TSKS: variants seen among roughly 807,000 people sequenced by gnomAD.
TSKS encodes the protein testis-specific serine kinase substrate.
In TSKS, 27 loss-of-function variants were observed where a neutral mutation model predicts 68.0. The ratio of observed to expected loss-of-function variants is 0.40; its 90% CI spans 0.29 to 0.55. TSKS has a LOEUF of 0.55. TSKS is among the 20% of genes least tolerant of loss of function. TSKS has a pLI of 0.53. For missense variants in TSKS, 806 were observed against 776.0 expected, an observed-to-expected ratio of 1.04 and a Z score of -0.46; for synonymous variants, 331 against 340.4, an observed-to-expected ratio of 0.97 and a Z score of 0.30.
chr19:49,741,281 G>C lies in TSKS; in HGVS notation c.1497+604C>G, dbSNP rs937494986. 4.1e-4 allele frequency among the ~76,000 whole-genome samples: 63 copies of C among 152,202 alleles called. 1 individual carries two copies. Among genetic ancestry groups the C allele is most frequent in the Middle Eastern group, 3.4e-3 (1 of 294 alleles). ...CTCTCATGTATTAGTCCTATAGCTC[G>C]GCCACATCAATGTCCCACAGTGCCT... On this transcript the variant is annotated intron_variant, in intron 9 of 10. Transcript: ENST00000246801.
chr19:49,748,207 A>T (rs759987857), intron 3 of TSKS, 39 bp from the exon 4 acceptor site: 2 of 1,607,336 alleles, frequency 1.2e-6, no homozygotes, highest in South Asian at 1.1e-5. Context: ...CAAGGACACG[A>T]GGGGACAGCC....
rs890514979 is a variant in TSKS, at chr19:49,747,583, A to C, written c.580-111T>G. 7 of 1,038,600 alleles carry C rather than the reference A, an allele frequency of 6.7e-6. No individual in the cohort carries two copies. In the East Asian group the frequency reaches 1.7e-4, roughly 25 times the overall value. The allele number at this position is 1,038,600 out of a possible 1,614,324, so 64.3% of individuals were successfully genotyped here. A position where few individuals can be genotyped will look rare whatever the true frequency, so the allele number is the denominator to read the frequency against. On this transcript the variant is annotated intron_variant, in intron 4 of 10. Transcript: ENST00000246801. ...CCAGGCCTCCTAGCCCCCCAGTACA[A>C]GACACACTCACCAGCTCATTTCCTT...
At chr19:49,758,897 G>T (rs1238480665) in intron 2 of TSKS, among the ~76,000 whole-genome samples, 1 of 149,828 alleles carries the variant, frequency 6.7e-6, no homozygotes, top group Non-Finnish European at 1.5e-5. Context: ...TGCTCTTGTT[G>T]CCCAGGCTGG....
rs148116338 is a variant in TSKS at position 49,748,129 on chromosome 19, G to T, written c.535C>A (p.Arg179=). 1 of 1,614,100 alleles carries T rather than the reference G, an allele frequency of 6.2e-7. No homozygotes were observed. The highest frequency in any genetic ancestry group is 1.1e-5 in the South Asian group (1 of 91,082). The change falls in exon 4 of 11, where the codon CGG becomes AGG. Residue 179 remains arginine, a synonymous_variant. Transcript: ENST00000246801. ...CCCTCCAACTCTTCTGCCTCTTGCCGCCTTCTCTCCAGATTCTCGCTCAGC... is the reference window on the plus strand; with the variant it reads ...CCCTCCAACTCTTCTGCCTCTTGCCTCCTTCTCTCCAGATTCTCGCTCAGC... ...SVLSENLERR[R]QEAEELEGYC...
intron 1 of TSKS, among the ~76,000 whole-genome samples, 163 bp downstream of exon 1, chr19:49,762,915 A>C (rs2084455764): frequency 1.4e-5 from 2 of 144,482 alleles, no homozygotes; most frequent in Non-Finnish European, 3.0e-5. Context: ...CTTCCTCTCT[A>C]CCTCCCTGTG....
chr19:49,754,236 C>T (rs2084375552), intron 2 of TSKS, among the ~76,000 whole-genome samples: 1 of 150,886 alleles, frequency 6.6e-6, no homozygotes, highest in African/African-American at 2.4e-5. Flanking sequence ...CGGTGGCTCA[C>T]ACCTGTAATC....
chr19:49,744,819 G>A (rs2084282678), intron 7 of TSKS, among the ~76,000 whole-genome samples: 1 of 152,070 alleles, frequency 6.6e-6, no homozygotes, highest in Admixed American at 6.6e-5. Context: ...TGCACTCCTG[G>A]CCTCAAGTAA....
chr19:49,756,120 A>G (rs541705957), intron 2 of TSKS, among the ~76,000 whole-genome samples: 3 of 152,292 alleles, frequency 2.0e-5, no homozygotes, highest in Admixed American at 1.3e-4. Context: ...AGGATTATAC[A>G]TGGTGACCAA....
chr19:49,748,448 C>T lies in TSKS; in HGVS notation c.421G>A (p.Val141Ile), dbSNP rs1256561319. ...EILSGVNSGL[V>I]RAKDSITSLK... ...CTGGTGATGGAGTCTTTGGCGCGGA[C>T]CAATCCACTGTTGACCCCACTCTGG... The change falls in exon 3 of 11, where the codon GTC becomes ATC. Residue 141 changes from valine to isoleucine, a missense_variant. By Grantham distance (29) the Val-to-Ile change is conservative. Transcript: ENST00000246801. 8.1e-6 allele frequency: 13 copies of T among 1,614,178 alleles called. No individual in the cohort carries two copies. The highest frequency in any genetic ancestry group is 1.1e-5 in the Non-Finnish European group (13 of 1,180,014).
intron 9 of TSKS, among the ~76,000 whole-genome samples, chr19:49,740,814 G>A (rs997010527): frequency 6.6e-6 from 1 of 151,792 alleles, no homozygotes; most frequent in African/African-American, 2.4e-5. Context: ...AACCTGGGAG[G>A]TGGAGGTTGC....
At chr19:49,741,198 C>G (rs1326539979) in intron 9 of TSKS, among the ~76,000 whole-genome samples, 1 of 150,668 alleles carries the variant, frequency 6.6e-6, no homozygotes, top group African/African-American at 2.4e-5. Flanking sequence ...AACAAACAAA[C>G]AAAAAACAGT....
chr19:49,760,022 GC>G (rs1273523354), intron 2 of TSKS, among the ~76,000 whole-genome samples: 1 of 151,602 alleles, frequency 6.6e-6, no homozygotes. Context: ...GTGTGGTGGC[GC>G]TCTTGTAATC....
intron 2 of TSKS, among the ~76,000 whole-genome samples, chr19:49,749,640 T>TG (rs897596229): frequency 1.1e-4 from 17 of 151,304 alleles, no homozygotes; most frequent in African/African-American, 3.6e-4. Context: ...TGTGTGTGTG[T>TG]GGGGGGTCTC....
At chr19:49,755,660 C>T (rs1432574154) in intron 2 of TSKS, among the ~76,000 whole-genome samples, 7 of 152,006 alleles carry the variant, frequency 4.6e-5, no homozygotes, top group African/African-American at 9.7e-5. Flanking sequence ...GTAACACCTG[C>T]GTCTCTAAAA....
chr19:49,746,432 A>T (rs1184850940), intron 6 of TSKS, 38 bp downstream of exon 6: 1 of 1,609,280 alleles, frequency 6.2e-7, no homozygotes, highest in Non-Finnish European at 8.5e-7. Flanking sequence ...GTCCCCGCCG[A>T]TCTCGTTTTC....
At chr19:49,747,993 G>A in intron 4 of TSKS, 92 bp downstream of exon 4, 1 of 1,226,226 alleles carries the variant, frequency 8.2e-7, no homozygotes, top group Non-Finnish European at 1.2e-6. Flanking sequence ...ACAGATGTGA[G>A]CCACTGCACC....
Position 49,763,234 on chromosome 19 carries a change from A to G in TSKS, c.14T>C (p.Val5Ala). The G allele has an allele frequency of 6.7e-7, 1 of 1,502,308 alleles. No homozygotes were observed. Among genetic ancestry groups the G allele is most frequent in the East Asian group, 2.5e-5 (1 of 39,218 alleles). The allele number at this position is 1,502,308 out of a possible 1,614,324, so 93.1% of individuals were successfully genotyped here. A position where few individuals can be genotyped will look rare whatever the true frequency, so the allele number is the denominator to read the frequency against. The change falls in exon 1 of 11, where the codon GTG becomes GCG. Residue 5 changes from valine (V) to alanine (A), a missense_variant. By Grantham distance (64) the Val-to-Ala change is moderately conservative (BLOSUM62 0). Coordinates refer to ENST00000246801, the MANE Select transcript of TSKS (RefSeq NM_021733.2). The surrounding 1 kb of genome is among the most constrained non-coding windows in gnomAD (Gnocchi z 4.5). Reference protein sequence around the residue: MASVVVKTIWQSKEI... With the variant: MASVAVKTIWQSKEI... ...TTTGGACTGCCAGATCGTCTTCACCACCACGCTCGCCATGGTGTGGGGGTC... is the reference window on the plus strand; with the variant it reads ...TTTGGACTGCCAGATCGTCTTCACCGCCACGCTCGCCATGGTGTGGGGGTC...
chr19:49,744,077 T>C (rs969215533), intron 8 of TSKS, among the ~76,000 whole-genome samples, 154 bp downstream of exon 8: 3 of 152,328 alleles, frequency 2.0e-5, no homozygotes, highest in East Asian at 1.9e-4. Flanking sequence ...ATGAGGCTTC[T>C]AGTGCAGCAG....
intron 9 of TSKS, 117 bp from the exon 10 acceptor site, chr19:49,740,300 A>G: frequency 3.1e-6 from 4 of 1,299,346 alleles, no homozygotes; most frequent in Non-Finnish European, 4.1e-6. Context: ...TCTCCCTCAG[A>G]GTTTCCCATC....
Sources: allele counts gnomAD v4.1 joint callset (sites outside exome capture counted in the v4.1 genomes callset), GRCh38; gene constraint gnomAD v4.1.1; non-coding constraint Gnocchi (gnomAD v3.1); transcripts MANE v1.5; gene names NCBI Gene and HGNC (gene_info 2026-07-23, HGNC 2026-07-21).